AGBL1: variants seen among roughly 807,000 people sequenced by gnomAD.
AGBL1 encodes the protein cytosolic carboxypeptidase 4.
A neutral mutation model predicts 118.9 loss-of-function variants in AGBL1; 130 were observed. The ratio of observed to expected loss-of-function variants is 1.09; its 90% confidence interval spans 0.95 to 1.26. The LOEUF (loss-of-function observed/expected upper bound fraction) is 1.26. AGBL1 is among the 50% of genes most tolerant of loss of function. The pLI, the probability that AGBL1 is intolerant of heterozygous loss-of-function variation, is 0.00. For synonymous variants in AGBL1, 555 were observed against 478.9 expected (o/e 1.16, Z -2.08); for missense variants, 1,584 against 1,298.1 (o/e 1.22, Z -3.38).
At chr15:86,535,319 G>A (rs1362435465) in intron 19 of AGBL1, among the ~76,000 whole-genome samples, 2 of 152,202 alleles carry the variant, frequency 1.3e-5, no homozygotes, top group Non-Finnish European at 2.9e-5. Flanking sequence ...CCCTCTAAAA[G>A]CCAAGAGGCT....
At chr15:86,733,305 C>T (rs1271951408) in intron 22 of AGBL1, among the ~76,000 whole-genome samples, 1 of 152,118 alleles carries the variant, frequency 6.6e-6, no homozygotes, top group Admixed American at 6.5e-5. Context: ...AAAAAGTTTT[C>T]TCTTCCTCTT....
chr15:86,094,157 A>G (rs1450211807), intron 1 of AGBL1, among the ~76,000 whole-genome samples: 1 of 152,152 alleles, frequency 6.6e-6, no homozygotes, highest in Non-Finnish European at 1.5e-5. Flanking sequence ...TTAGAGCTAA[A>G]TCTATAATTG....
At chr15:86,085,224 G>GA (rs1690018078) in intron 1 of AGBL1, among the ~76,000 whole-genome samples, 1 of 152,204 alleles carries the variant, frequency 6.6e-6, no homozygotes, top group African/African-American at 2.4e-5. Context: ...GAAGGCCTTG[G>GA]AAAATGGGTC....
At chr15:86,187,137 C>T (rs954305896) in intron 5 of AGBL1, among the ~76,000 whole-genome samples, 6 of 152,208 alleles carry the variant, frequency 3.9e-5, no homozygotes, top group Non-Finnish European at 8.8e-5. Flanking sequence ...AACCAACACA[C>T]ACCCCCATCC....
At chr15:86,255,025 C>A (rs552192562) in intron 7 of AGBL1, among the ~76,000 whole-genome samples, 1 of 152,296 alleles carries the variant, frequency 6.6e-6, no homozygotes, top group Admixed American at 6.5e-5. Context: ...TTGCCTTCAT[C>A]CTTTCACTTG....
chr15:86,627,586 T>G (rs891705480), intron 21 of AGBL1, among the ~76,000 whole-genome samples: 1 of 151,906 alleles, frequency 6.6e-6, no homozygotes, highest in South Asian at 2.1e-4. Flanking sequence ...TCATAATGAG[T>G]GGCAAATTCC....
At chr15:86,957,252 A>G (rs945397961) in intron 23 of AGBL1, among the ~76,000 whole-genome samples, 1 of 152,156 alleles carries the variant, frequency 6.6e-6, no homozygotes, top group Non-Finnish European at 1.5e-5. Flanking sequence ...TGGTAAATAT[A>G]TCTACTAAAA....
intron 18 of AGBL1, among the ~76,000 whole-genome samples, chr15:86,514,440 C>T (rs2083093126): frequency 6.6e-6 from 1 of 152,056 alleles, no homozygotes; most frequent in Non-Finnish European, 1.5e-5. Context: ...CCATTTATAG[C>T]CAAAATTTTA....
chr15:86,535,008 C>T (rs576772183), intron 19 of AGBL1, among the ~76,000 whole-genome samples: 120 of 152,244 alleles, frequency 7.9e-4, no homozygotes, highest in African/African-American at 2.5e-3. Flanking sequence ...CTGCGTTTTT[C>T]ACTCTAGGTA....
intron 18 of AGBL1, among the ~76,000 whole-genome samples, chr15:86,509,528 A>C (rs1380953684): frequency 3.9e-5 from 6 of 152,170 alleles, no homozygotes; most frequent in Non-Finnish European, 8.8e-5. Context: ...GAGTCAGTGA[A>C]AGAATTTGAA....
At chr15:86,876,640 T>C (rs2079813507) in intron 22 of AGBL1, among the ~76,000 whole-genome samples, 1 of 152,220 alleles carries the variant, frequency 6.6e-6, no homozygotes, top group African/African-American at 2.4e-5. Flanking sequence ...TTTTTAGCTT[T>C]GTAGGCCATA....
In AGBL1 at chr15:86,233,935, C is replaced by A. The variant is rs555766286; in HGVS notation, c.526+8984C>A. ...AAGGTGGCCAGGGTGTTCCCAGGCACCCATTCTGGGTCCAACACAGCTGTG... is the reference window on the plus strand; with the variant it reads ...AAGGTGGCCAGGGTGTTCCCAGGCAACCATTCTGGGTCCAACACAGCTGTG... On this transcript the variant is annotated intron_variant, in intron 6 of 22. Transcript: ENST00000614907. Among the ~76,000 whole-genome samples, 4 of 152,204 alleles carry A rather than the reference C, an allele frequency of 2.6e-5. No homozygotes were observed. The South Asian group carries it at 6.2e-4, about 24-fold the overall frequency.
intron 5 of AGBL1, among the ~76,000 whole-genome samples, chr15:86,220,171 G>A (rs578065948): frequency 1.3e-5 from 2 of 151,916 alleles, no homozygotes; most frequent in Non-Finnish European, 2.9e-5. Context: ...CCAGGCTGGC[G>A]TTGAACTCTT....
intron 22 of AGBL1, among the ~76,000 whole-genome samples, chr15:86,867,428 T>C (rs1026834745): frequency 5.3e-5 from 8 of 152,226 alleles, no homozygotes; most frequent in Non-Finnish European, 1.0e-4. Flanking sequence ...TTCCACTTAC[T>C]GCTTGCCCCG....
intron 22 of AGBL1, among the ~76,000 whole-genome samples, chr15:86,733,058 T>C (rs1429255409): frequency 6.7e-6 from 1 of 148,456 alleles, no homozygotes; most frequent in African/African-American, 2.5e-5. Flanking sequence ...ATATATCCTA[T>C]ATAAATCATA....
chr15:86,186,235 G>A (rs1218863747), intron 5 of AGBL1, among the ~76,000 whole-genome samples: 1 of 152,138 alleles, frequency 6.6e-6, no homozygotes, highest in African/African-American at 2.4e-5. Context: ...GGCGGGGCAT[G>A]GGGAGGGAGG....
At chr15:86,208,677 A>AT (rs1325574289) in intron 5 of AGBL1, among the ~76,000 whole-genome samples, 1 of 151,940 alleles carries the variant, frequency 6.6e-6, no homozygotes, top group Non-Finnish European at 1.5e-5. Flanking sequence ...CCCCTTTATC[A>AT]TTTTTTATTG....
chr15:86,389,932 A>G (rs908591884), intron 17 of AGBL1, among the ~76,000 whole-genome samples: 2 of 152,256 alleles, frequency 1.3e-5, no homozygotes, highest in Admixed American at 1.3e-4. Flanking sequence ...ATCATTAATT[A>G]TATCAAATGG....
intron 18 of AGBL1, among the ~76,000 whole-genome samples, chr15:86,461,732 T>C (rs1029753375): frequency 1.3e-5 from 2 of 152,210 alleles, no homozygotes; most frequent in African/African-American, 2.4e-5. Context: ...GTGCTTGCAT[T>C]GATCAACATT....
Sources: gnomAD v4.1 joint callset for allele counts (sites outside exome capture counted in the v4.1 genomes callset) on GRCh38, gnomAD v4.1.1 for gene constraint, MANE v1.5 for transcripts, NCBI Gene and HGNC (gene_info 2026-07-23, HGNC 2026-07-21) for gene names.